KMT2D: variants seen among roughly 807,000 people sequenced by gnomAD.
KMT2D encodes histone-lysine N-methyltransferase 2D.
Under a neutral mutation model 512.7 loss-of-function variants are expected in KMT2D, and 55 were observed. That is an observed-to-expected ratio of 0.11 (90% CI 0.09 to 0.13). KMT2D has a LOEUF of 0.13. Among genes scored for constraint, KMT2D ranks in the 10% least tolerant of loss-of-function variants. The pLI, the probability that KMT2D is intolerant of heterozygous loss-of-function variation, is 1.00. For synonymous variants in KMT2D, 2,995 were observed against 2,904.0 expected, an observed-to-expected ratio of 1.03 and a Z score of -1.01; for missense variants, 6,061 against 7,127.9, an observed-to-expected ratio of 0.85 and a Z score of 5.39.
At chr12:49,043,041 C>A (rs375325691) in intron 26 of KMT2D, 35 bp downstream of exon 26, 18 of 1,589,818 alleles carry the variant, frequency 1.1e-5, no homozygotes, top group Non-Finnish European at 1.5e-5. Context: ...CATAGAAAAC[C>A]CTTATACACA....
intron 15 of KMT2D, among the ~76,000 whole-genome samples, chr12:49,047,688 G>A (rs1039546181): frequency 6.6e-6 from 1 of 152,098 alleles, no homozygotes; most frequent in African/African-American, 2.4e-5. Flanking sequence ...CCAAAGTGCT[G>A]GGATTACAGG....
In KMT2D at chr12:49,049,187, C is replaced by T. The variant is rs200306812; in HGVS notation, c.3938G>A (p.Arg1313Gln). 2.4e-5 allele frequency: 38 copies of T among 1,607,922 alleles called. No individual in the cohort carries two copies. The highest frequency in any genetic ancestry group is 1.4e-4 in the Admixed American group (8 of 59,174). ...TCCTCCATGGGCTCCTCCACGAGGC[C>T]GGCGTCTTCCTGGGAAACTGCTGCT... ...GRSSSFPGRRRPRGGAHGGRG... is the reference protein window; with the variant it reads ...GRSSSFPGRRQPRGGAHGGRG... Residue 1313 changes from arginine to glutamine, a missense_variant, in exon 13 of 55, where the codon CGG (arginine) becomes CAG (glutamine). Coordinates refer to ENST00000301067, the MANE Select transcript of KMT2D (RefSeq NM_003482.4).
chr12:49,042,299 C>T lies in KMT2D; in HGVS notation c.5899G>A (p.Gly1967Ser), dbSNP rs886042896. The T allele has an allele frequency of 3.2e-6, 5 of 1,555,746 alleles. No homozygotes were observed. Among genetic ancestry groups the T allele is most frequent in the South Asian group, 1.2e-5 (1 of 85,348 alleles). The change falls in exon 29 of 55, where the codon GGT becomes AGT. Residue 1967 changes from glycine to serine, a missense_variant. By Grantham distance (56) the Gly-to-Ser change is moderately conservative. Around this residue, in one of 16 missense-constraint regions of KMT2D, gnomAD observed 640 missense variants for 814.3 expected, o/e 0.79. Coordinates refer to ENST00000301067, the MANE Select transcript of KMT2D (RefSeq NM_003482.4). The surrounding 1 kb of genome is among the most constrained non-coding windows in gnomAD (Gnocchi z 4.4). ...ERGGFFSPEP[G>S]EPDSPWTGSG... is the part of the protein sequence containing the mutation. ...CCCGTCCAGGGGCTGTCGGGCTCACCGGGTTCCGGGCTAAAGAAGCCCCCG... is the reference window on the plus strand; with the variant it reads ...CCCGTCCAGGGGCTGTCGGGCTCACTGGGTTCCGGGCTAAAGAAGCCCCCG...
Position 49,020,620 on chromosome 12 carries a change from C to T in KMT2D, c.*1160G>A. On this transcript the variant is annotated 3_prime_UTR_variant, in exon 55 of 55. Transcript: ENST00000301067. ...ACACTAAGCTCCCCCACCCCCACAT[C>T]ACCACCCCTTCCCACCAGACCAGCA... is the stretch of plus-strand genomic sequence containing the variant. The T allele has an allele frequency of 5.8e-6, 1 of 173,468 alleles. No homozygotes were observed. Among genetic ancestry groups the T allele is most frequent in the Middle Eastern group, 2.0e-3 (1 of 506 alleles). 10.7% of individuals were successfully genotyped at this position (173,468 alleles called of 1,614,324 possible). A position where few individuals can be genotyped will look rare whatever the true frequency, so the allele number is the denominator to read the frequency against.
rs1461753864 is a variant in KMT2D at position 49,034,314 on chromosome 12, T to C, written c.10508-15A>G. On this transcript the variant is annotated splice_polypyrimidine_tract_variant and intron_variant, in intron 38 of 54. Coordinates refer to ENST00000301067, the MANE Select transcript of KMT2D (RefSeq NM_003482.4). ...GTCAGCTTCATCTGGGAAAAGAAGCTGGGTGTCAGGACCTGCAAAAGGGTA... is the reference window on the plus strand; with the variant it reads ...GTCAGCTTCATCTGGGAAAAGAAGCCGGGTGTCAGGACCTGCAAAAGGGTA... 10 of 1,611,346 alleles carry C rather than the reference T, an allele frequency of 6.2e-6. No individual in the cohort carries two copies. The highest frequency in any genetic ancestry group is 8.5e-6 in the Non-Finnish European group (10 of 1,177,732).
chr12:49,054,380 G>A lies in KMT2D; in HGVS notation c.437C>T (p.Ser146Leu), dbSNP rs1233341881. 2 of 1,594,884 alleles carry A rather than the reference G, an allele frequency of 1.3e-6. No homozygotes were observed. The change falls in exon 5 of 55, where the codon TCG (serine) becomes TTG (leucine). Residue 146 changes from serine to leucine, a missense_variant. Transcript: ENST00000301067. This position sits in a 1 kb window ranked among gnomAD's most constrained non-coding sequence, Gnocchi z 6.4. ...CWAHHWCAAW[S>L]AGVWGQEGPE... ...GCCCTCCTGCCCCCATACGCCTGCCGACCATGCAGCACACCAATGGTGAGC... is the reference window on the plus strand; with the variant it reads ...GCCCTCCTGCCCCCATACGCCTGCCAACCATGCAGCACACCAATGGTGAGC...
rs1446265297 is a variant in KMT2D, at chr12:49,044,621, GC to G, written c.4964-100del. On this transcript the variant is annotated intron_variant, in intron 20 of 54. Transcript: ENST00000301067. The surrounding 1 kb of genome is among the most constrained non-coding windows in gnomAD (Gnocchi z 6.4). ...AGAGAGCTGAATACCTTGCCTCAGA[GC>G]CACTTAGACGAGACAGCAGTGCTTA... 6.4e-7 allele frequency: 1 copy of G among 1,563,140 alleles called. No homozygotes were observed. Among genetic ancestry groups the G allele is most frequent in the Non-Finnish European group, 8.7e-7 (1 of 1,150,304 alleles).
chr12:49,055,206 T>A (rs117688382), intron 2 of KMT2D, 70 bp downstream of exon 2: 1 of 1,582,270 alleles, frequency 6.3e-7, no homozygotes, highest in Middle Eastern at 1.7e-4. Flanking sequence ...GCTCATGTCC[T>A]TGTGCCAGGA....
chr12:49,021,714 C>T lies in KMT2D; in HGVS notation c.*66G>A. 7.5e-7 allele frequency: 1 copy of T among 1,333,154 alleles called. No individual in the cohort carries two copies. The highest frequency in any genetic ancestry group is 1.1e-6 in the Non-Finnish European group (1 of 931,314). 82.6% of individuals were successfully genotyped at this position (1,333,154 alleles called of 1,614,324 possible). A position where few individuals can be genotyped will look rare whatever the true frequency, so the allele number is the denominator to read the frequency against. ...GGCTCTGGCTGCTACCTCTCTTCCCCCTCATCCCTTTCAGGGAAGAGGTTG... is the reference window on the plus strand; with the variant it reads ...GGCTCTGGCTGCTACCTCTCTTCCCTCTCATCCCTTTCAGGGAAGAGGTTG... On this transcript the variant is annotated 3_prime_UTR_variant, in exon 55 of 55. Transcript: ENST00000301067.
Position 49,032,697 on chromosome 12 carries a change from G to C in KMT2D, c.12008C>G (p.Ala4003Gly). Residue 4003 changes from alanine (A) to glycine (G), a missense_variant, in exon 40 of 55, where the codon GCA becomes GGA. Physicochemically the swap from Ala to Gly is moderately conservative, Grantham distance 60. Transcript: ENST00000301067. The stretch of plus-strand genomic sequence containing the variant: ...GCTAGAAAAGTGTTGAAGAGGCTTT[G>C]CTGGCATGCCAGGGCCAAGTGCCAC... ...QQVALGPGMP[A>G]KPLQHFSSPG... is the part of the protein sequence containing the mutation. 6.2e-7 allele frequency: 1 copy of C among 1,612,894 alleles called. No homozygotes were observed. Among genetic ancestry groups the C allele is most frequent in the Non-Finnish European group, 8.5e-7 (1 of 1,179,430 alleles).
Position 49,055,298 on chromosome 12 carries a change from C to T in KMT2D, c.27G>A (p.Glu9=), listed in dbSNP as rs2120718410. 6.2e-7 allele frequency: 1 copy of T among 1,614,054 alleles called. No homozygotes were observed. The highest frequency in any genetic ancestry group is 8.5e-7 in the Non-Finnish European group (1 of 1,179,902). ...CACCTGCCGGTTCTGAATCTTTATC[C>T]TCACCAGCCAGCTTCTGGCTGTCCA... MDSQKLAG[E]DKDSEPAADG... Residue 9 remains glutamate (E), a synonymous_variant, in exon 2 of 55, where the codon GAG becomes GAA. Transcript: ENST00000301067.
At position 49,044,426 on chromosome 12, in the gene KMT2D, C is replaced by T. The variant is rs1183756465; in HGVS notation, c.5060G>A (p.Arg1687His). ...GKEETEESKK[R>H]KRKPYRPGIG... ...ACCAGGCCGATATGGTTTACGCTTG[C>T]GTTTTTTGCTTTCCTCGGTCTCCTC... The change falls in exon 21 of 55, where the codon CGC (arginine) becomes CAC (histidine). Residue 1687 changes from arginine (R) to histidine (H), a missense_variant. Arg to His is a conservative substitution (Grantham distance 29). Coordinates refer to ENST00000301067, the MANE Select transcript of KMT2D (RefSeq NM_003482.4). This position sits in a 1 kb window ranked among gnomAD's most constrained non-coding sequence, Gnocchi z 6.4. The T allele has an allele frequency of 6.2e-7, 1 of 1,613,912 alleles. No homozygotes were observed. Among genetic ancestry groups the T allele is most frequent in the Non-Finnish European group, 8.5e-7 (1 of 1,179,860 alleles).
rs2120660701 is a variant in KMT2D at position 49,050,959 on chromosome 12, C to A, written c.2724G>T (p.Leu908=). 1.3e-6 allele frequency: 2 copies of A among 1,557,848 alleles called. No individual in the cohort carries two copies. The highest frequency in any genetic ancestry group is 1.2e-5 in the South Asian group (1 of 81,392). Residue 908 remains leucine (L), a synonymous_variant, in exon 11 of 55, where the codon CTG becomes CTT. Transcript: ENST00000301067. ...ACGGCAGCTCCTCGGGCAGAGGGGA[C>A]AGAGGTGGTTCCCCAGGCTCAGACA... ...PALSEPGEPP[L]SPLPEELPLS... is the part of the protein sequence containing the mutation.
chr12:49,057,732 G>A (rs1322906469), intron 1 of KMT2D, among the ~76,000 whole-genome samples: 1 of 152,000 alleles, frequency 6.6e-6, no homozygotes, highest in African/African-American at 2.4e-5. Context: ...AAGACCCCAG[G>A]TTCCCCAGTC....
rs757707458 is a variant in KMT2D, at chr12:49,043,727, A to G, written c.5375T>C (p.Val1792Ala). 4.3e-6 allele frequency: 7 copies of G among 1,613,786 alleles called. No homozygotes were observed. Among genetic ancestry groups the G allele is most frequent in the Non-Finnish European group, 8.5e-7 (1 of 1,179,844 alleles). The stretch of plus-strand genomic sequence containing the variant: ...TCCAAAGCTTGGCCGGCCCACCCCA[A>G]CTGCAAAAAGGGCCTTACGGCTCAG... Reference protein sequence around the residue: ...LDLSRKALFAVGVGRPSFGLG... With the variant: ...LDLSRKALFAAGVGRPSFGLG... The change falls in exon 24 of 55, where the codon GTT becomes GCT. Residue 1792 changes from valine (V) to alanine (A), a missense_variant. By Grantham distance (64) the Val-to-Ala change is moderately conservative (BLOSUM62 0). Coordinates refer to ENST00000301067, the MANE Select transcript of KMT2D (RefSeq NM_003482.4).
At position 49,022,614 on chromosome 12, in the gene KMT2D, C is replaced by T. The variant is rs373824252; in HGVS notation, c.16314G>A (p.Arg5438=). ...CCTGCTCTTCGTAGATTTTCTCCCGCCGGTTGGCCACCTCGTTCCGAATGA... is the reference window on the plus strand; with the variant it reads ...CCTGCTCTTCGTAGATTTTCTCCCGTCGGTTGGCCACCTCGTTCCGAATGA... ...GTIIRNEVAN[R]REKIYEEQNR... is the part of the protein sequence containing the mutation. Residue 5438 remains arginine (R), a synonymous_variant, in exon 52 of 55, where the codon CGG becomes CGA. Coordinates refer to ENST00000301067, the MANE Select transcript of KMT2D (RefSeq NM_003482.4). The surrounding 1 kb of genome is among the most constrained non-coding windows in gnomAD (Gnocchi z 8.6). 21 of 1,613,858 alleles carry T rather than the reference C, an allele frequency of 1.3e-5. No individual in the cohort carries two copies. The highest frequency in any genetic ancestry group is 1.7e-5 in the Non-Finnish European group (20 of 1,179,752).
rs766890833 is a variant in KMT2D at position 49,037,665 on chromosome 12, C to T, written c.9691G>A (p.Asp3231Asn). ...GAGCTCTCCATCTTGTCTAGCTCAT[C>T]CCCAGATGCTGCAGGTCCACCAGGC... ...TLPGGPAASG[D>N]ELDKMESSLV... The change falls in exon 35 of 55, where the codon GAT becomes AAT. Residue 3231 changes from aspartate (D) to asparagine (N), a missense_variant. Physicochemically the swap from Asp to Asn is conservative, Grantham distance 23. This residue lies in a region of KMT2D where 533 missense variants were observed against 539.6 expected (regional missense o/e 0.99). Coordinates refer to ENST00000301067, the MANE Select transcript of KMT2D (RefSeq NM_003482.4). 1.3e-6 allele frequency: 2 copies of T among 1,581,592 alleles called. No homozygotes were observed. The highest frequency in any genetic ancestry group is 1.8e-5 in the Admixed American group (1 of 55,190).
intron 1 of KMT2D, among the ~76,000 whole-genome samples, chr12:49,057,549 G>A (rs1472290055): frequency 2.0e-5 from 3 of 152,210 alleles, no homozygotes; most frequent in Non-Finnish European, 2.9e-5. Context: ...GGCCATGGAA[G>A]ATGAGAGATT....
At chr12:49,053,351 C>A in intron 7 of KMT2D, 30 bp from the exon 8 acceptor site, 1 of 1,571,306 alleles carries the variant, frequency 6.4e-7, no homozygotes. Context: ...ATTACAGTGT[C>A]CTCTCTGCCC....
Sources: gnomAD v4.1 joint callset for allele counts (sites outside exome capture counted in the v4.1 genomes callset) on GRCh38, gnomAD v4.1.1 for gene constraint, gnomAD v4.1.1 regional missense constraint, Gnocchi (gnomAD v3.1) non-coding constraint, MANE v1.5 for transcripts, NCBI Gene and HGNC (gene_info 2026-07-23, HGNC 2026-07-21) for gene names.